Variants in RECK observed in about 807,000 individuals in gnomAD.
RECK encodes reversion inducing cysteine rich protein with kazal motifs, also known as reversion-inducing cysteine-rich protein with Kazal motifs.
RECK carries 69 observed loss-of-function variants against 115.1 expected under a neutral mutation model. The observed-to-expected ratio is 0.60, with a 90% CI of 0.49 to 0.73. The LOEUF (loss-of-function observed/expected upper bound fraction) is 0.73. RECK is among the 30% of genes least tolerant of loss of function. The pLI is 0.00. For missense variants in RECK, 1,047 were observed against 1,203.7 expected (o/e 0.87, Z 1.93); for synonymous variants, 414 against 419.7 (o/e 0.99, Z 0.17).
chr9:36,090,113 G>A (rs576589089), intron 9 of RECK, among the ~76,000 whole-genome samples: 1 of 152,062 alleles, frequency 6.6e-6, no homozygotes, highest in African/African-American at 2.4e-5. Flanking sequence ...CCGAGATCAC[G>A]CCACTGCACT....
intron 1 of RECK, among the ~76,000 whole-genome samples, chr9:36,045,836 A>G (rs953757008): frequency 6.6e-6 from 1 of 152,144 alleles, no homozygotes; most frequent in African/African-American, 2.4e-5. Flanking sequence ...TGTCTTTAGT[A>G]TACACATGGC....
rs1398476527 is a variant in RECK at position 36,123,926 on chromosome 9, A to T, written c.*881A>T. On this transcript the variant is annotated 3_prime_UTR_variant, in exon 21 of 21. Coordinates refer to ENST00000377966, the MANE Select transcript of RECK (RefSeq NM_021111.3). ...CATGTAAATAATACATTATATTTCT[A>T]TTTTATTATGAAGAAGGTGAATAGC... 2 of 152,590 alleles carry T rather than the reference A, an allele frequency of 1.3e-5. No individual in the cohort carries two copies. The highest frequency in any genetic ancestry group is 2.9e-5 in the Non-Finnish European group (2 of 68,034). 9.5% of individuals were successfully genotyped at this position (152,590 alleles called of 1,614,324 possible). A position where few individuals can be genotyped will look rare whatever the true frequency, so the allele number is the denominator to read the frequency against.
intron 16 of RECK, among the ~76,000 whole-genome samples, chr9:36,113,845 C>G (rs532630569): frequency 1.3e-5 from 2 of 152,242 alleles, no homozygotes; most frequent in South Asian, 4.1e-4. Flanking sequence ...AAAAAGAAAT[C>G]CAAATGGTTC....
chr9:36,104,779 G>A (rs996170391), intron 12 of RECK, among the ~76,000 whole-genome samples: 27 of 152,126 alleles, frequency 1.8e-4, no homozygotes, highest in Non-Finnish European at 4.4e-5. Context: ...AAAGTGCTGG[G>A]ATTACAGGCG....
At chr9:36,086,833 A>T (rs2132632379) in intron 8 of RECK, among the ~76,000 whole-genome samples, 1 of 152,348 alleles carries the variant, frequency 6.6e-6, no homozygotes, top group Middle Eastern at 3.4e-3. Flanking sequence ...CAAGAACATA[A>T]TCCCTTTTAG....
intron 5 of RECK, 135 bp from the exon 6 acceptor site, chr9:36,065,442 T>C (rs1230565169): frequency 6.9e-6 from 4 of 581,016 alleles, no homozygotes; most frequent in Non-Finnish European, 1.1e-5. Context: ...AAATTTAAAA[T>C]ATTTGAACAT....
At chr9:36,091,088 G>C in intron 9 of RECK, 76 bp from the exon 10 acceptor site, 1 of 1,369,714 alleles carries the variant, frequency 7.3e-7, no homozygotes, top group Non-Finnish European at 1.0e-6. Context: ...ATAGTTCATA[G>C]AGTTTTAGTT....
intron 12 of RECK, 94 bp from the exon 13 acceptor site, chr9:36,105,049 T>C (rs1421240750): frequency 9.9e-7 from 1 of 1,012,862 alleles, no homozygotes; most frequent in Non-Finnish European, 1.5e-6. Flanking sequence ...ACTCATGAGC[T>C]CTTCATTTAT....
intron 12 of RECK, among the ~76,000 whole-genome samples, chr9:36,103,142 A>T (rs1336242768): frequency 6.6e-6 from 1 of 152,148 alleles, no homozygotes; most frequent in Non-Finnish European, 1.5e-5. Context: ...AAACCAGGGG[A>T]TGACAAGTAG....
At chr9:36,093,037 G>A (rs1158003424) in intron 10 of RECK, among the ~76,000 whole-genome samples, 1 of 152,144 alleles carries the variant, frequency 6.6e-6, no homozygotes, top group Non-Finnish European at 1.5e-5. Flanking sequence ...CATTTGCTGG[G>A]CAGACGATTT....
intron 6 of RECK, among the ~76,000 whole-genome samples, chr9:36,070,101 A>G (rs1401107590): frequency 6.6e-6 from 1 of 152,252 alleles, no homozygotes; most frequent in Non-Finnish European, 1.5e-5. Context: ...GTTCTAAAAT[A>G]TCTACTTCAG....
intron 10 of RECK, among the ~76,000 whole-genome samples, chr9:36,096,923 T>TACACACACAC (rs3070850): frequency 6.6e-6 from 1 of 150,404 alleles, no homozygotes; most frequent in Non-Finnish European, 1.5e-5. Flanking sequence ...GGTGTGTGCA[T>TACACACACAC]ACACACACAC....
At chr9:36,105,841 A>C (rs770148991) in intron 13 of RECK, among the ~76,000 whole-genome samples, 1 of 152,180 alleles carries the variant, frequency 6.6e-6, no homozygotes, top group African/African-American at 2.4e-5. Context: ...CAATCCCTTT[A>C]GAATATAGTT....
intron 2 of RECK, among the ~76,000 whole-genome samples, chr9:36,056,559 T>G (rs1821534301): frequency 6.6e-6 from 1 of 152,192 alleles, no homozygotes; most frequent in Non-Finnish European, 1.5e-5. Flanking sequence ...AATTGGCAGT[T>G]AGATTTAGAG....
At chr9:36,037,911 C>T (rs1335555691) in intron 1 of RECK, among the ~76,000 whole-genome samples, 1 of 150,896 alleles carries the variant, frequency 6.6e-6, no homozygotes, top group Admixed American at 6.6e-5. Context: ...GTGATTCCCC[C>T]TAGCTGTACT....
intron 4 of RECK, 110 bp downstream of exon 4, chr9:36,060,265 C>T (rs1442020893): frequency 4.6e-6 from 5 of 1,080,376 alleles, no homozygotes; most frequent in South Asian, 1.4e-5. Context: ...AGTTTCTATC[C>T]TCTCCTTCCC....
chr9:36,083,482 A>G lies in RECK; in HGVS notation c.557A>G (p.Tyr186Cys), dbSNP rs757946390. 6 of 1,614,100 alleles carry G rather than the reference A, an allele frequency of 3.7e-6. No individual in the cohort carries two copies. Among genetic ancestry groups the G allele is most frequent in the Middle Eastern group, 3.3e-4 (2 of 6,060 alleles). Reference protein sequence around the residue: ...GPSQIKAVENYCASISPQLIH... With the variant: ...GPSQIKAVENCCASISPQLIH... Reference sequence around the variant, plus strand: ...TCTCAGATAAAAGCAGTGGAAAATTATTGCGCCTCTATTAGTCCACAATTA... The same window carrying G: ...TCTCAGATAAAAGCAGTGGAAAATTGTTGCGCCTCTATTAGTCCACAATTA... Residue 186 changes from tyrosine (Y) to cysteine (C), a missense_variant, in exon 8 of 21, where the codon TAT becomes TGT. Transcript: ENST00000377966.
rs1587087359 is a variant in RECK, at chr9:36,111,034, C to A, written c.1888+955C>A. ...GGACTATTCATTCTGCTTAGAGAAA[C>A]CATAGAGGGATATGGGGATAAAGAA... is the stretch of plus-strand genomic sequence containing the variant. On this transcript the variant is annotated intron_variant, in intron 15 of 20. Coordinates refer to ENST00000377966, the MANE Select transcript of RECK (RefSeq NM_021111.3). 2.0e-5 allele frequency among the ~76,000 whole-genome samples: 3 copies of A among 152,312 alleles called. No individual in the cohort carries two copies. In the South Asian group the frequency reaches 6.2e-4, roughly 32 times the overall value.
chr9:36,042,933 G>A (rs1264694289), intron 1 of RECK, among the ~76,000 whole-genome samples: 1 of 146,656 alleles, frequency 6.8e-6, no homozygotes, highest in Non-Finnish European at 1.5e-5. Context: ...AATTAGTGAT[G>A]TTGAGCATTT....
Sources: gnomAD v4.1 joint callset for allele counts (sites outside exome capture counted in the v4.1 genomes callset) on GRCh38, gnomAD v4.1.1 for gene constraint, MANE v1.5 for transcripts, NCBI Gene and HGNC (gene_info 2026-07-23, HGNC 2026-07-21) for gene names.